The following TAB2 variants were observed in gnomAD, a reference collection of about 807,000 sequenced individuals.
The protein encoded by TAB2 is TGF-beta-activated kinase 1 and MAP3K7-binding protein 2.
TAB2 carries 3 observed loss-of-function variants against 65.0 expected under a neutral mutation model. That is an observed-to-expected ratio of 0.05 (90% confidence interval 0.02 to 0.12). The LOEUF is 0.12. Ranked by LOEUF, TAB2 falls within the 10% of genes least tolerant of loss-of-function variation. The pLI, the probability that TAB2 is intolerant of heterozygous loss-of-function variation, is 1.00. For synonymous variants in TAB2, 298 were observed against 285.1 expected (o/e 1.05, Z -0.46); for missense variants, 623 against 840.3 (o/e 0.74, Z 3.20).
intron 2 of TAB2, among the ~76,000 whole-genome samples, chr6:149,371,993 A>G (rs1054795835): frequency 2.0e-5 from 3 of 152,188 alleles, no homozygotes; most frequent in Non-Finnish European, 2.9e-5. Flanking sequence ...AAATAAAGCT[A>G]TGCTGTTCAG....
intron 1 of TAB2, among the ~76,000 whole-genome samples, chr6:149,306,557 C>CAAAAAAA (rs58001933): frequency 9.2e-6 from 1 of 108,598 alleles, no homozygotes. Flanking sequence ...GACTCCGTCT[C>CAAAAAAA]AAAAAAAAAA....
At chr6:149,252,585 A>C (rs1359545265) in intron 1 of TAB2, among the ~76,000 whole-genome samples, 1 of 152,118 alleles carries the variant, frequency 6.6e-6, no homozygotes, top group Non-Finnish European at 1.5e-5. Context: ...GCTCATCCCA[A>C]ATGTTCTGCA....
chr6:149,358,804 C>G (rs761979003), intron 1 of TAB2, among the ~76,000 whole-genome samples: 1 of 151,872 alleles, frequency 6.6e-6, no homozygotes, highest in African/African-American at 2.4e-5. Context: ...TTCTGTTTCT[C>G]ATTTTCTCTT....
At chr6:149,219,605 C>T (rs1329758725) in intron 1 of TAB2, among the ~76,000 whole-genome samples, 1 of 152,126 alleles carries the variant, frequency 6.6e-6, no homozygotes, top group East Asian at 1.9e-4. Flanking sequence ...GAAGTCTGTG[C>T]TGTTTTGTTT....
chr6:149,375,533 A>G (rs1324057903), intron 2 of TAB2, among the ~76,000 whole-genome samples: 1 of 152,142 alleles, frequency 6.6e-6, no homozygotes, highest in Non-Finnish European at 1.5e-5. Flanking sequence ...GAGGAAGGCT[A>G]AATATGAGTA....
chr6:149,369,331 C>T (rs1209990786), intron 1 of TAB2, among the ~76,000 whole-genome samples: 2 of 151,994 alleles, frequency 1.3e-5, no homozygotes, highest in Admixed American at 1.3e-4. Context: ...AAATCAAACC[C>T]CTTGGGAAAT....
intron 1 of TAB2, among the ~76,000 whole-genome samples, chr6:149,368,645 TTG>T (rs3056968): frequency 0.016 from 2,315 of 147,374 alleles, 25 homozygotes; most frequent in South Asian, 0.033. Flanking sequence ...ATGCGAAAAT[TTG>T]TGTGTGTGTG....
intron 1 of TAB2, among the ~76,000 whole-genome samples, chr6:149,280,888 T>TG (rs1778560153): frequency 6.8e-6 from 1 of 147,318 alleles, no homozygotes; most frequent in Non-Finnish European, 1.5e-5. Context: ...GCCATGATTG[T>TG]GCTACTACAC....
chr6:149,280,687 T>C (rs1696369950), intron 1 of TAB2, among the ~76,000 whole-genome samples: 1 of 152,134 alleles, frequency 6.6e-6, no homozygotes, highest in African/African-American at 2.4e-5. Flanking sequence ...ATACCTGTAA[T>C]CCCAGCACTT....
At chr6:149,388,434 A>G (rs2114916820) in intron 3 of TAB2, among the ~76,000 whole-genome samples, 1 of 152,326 alleles carries the variant, frequency 6.6e-6, no homozygotes, top group African/African-American at 2.4e-5. Context: ...ACTGCCAATA[A>G]ATGTTGCCAA....
chr6:149,265,458 CAT>C (rs1191396098), intron 1 of TAB2, among the ~76,000 whole-genome samples: 2 of 152,104 alleles, frequency 1.3e-5, no homozygotes, highest in African/African-American at 4.8e-5. Context: ...GATAACATTT[CAT>C]ATCCACAGGA....
chr6:149,308,215 T>G (rs1779102711), intron 1 of TAB2, among the ~76,000 whole-genome samples: 1 of 152,192 alleles, frequency 6.6e-6, no homozygotes, highest in South Asian at 2.1e-4. Flanking sequence ...ATCTAGTTAT[T>G]TATTCCTAGG....
At chr6:149,322,060 A>G (rs966896096) in intron 1 of TAB2, among the ~76,000 whole-genome samples, 2 of 152,142 alleles carry the variant, frequency 1.3e-5, no homozygotes, top group Admixed American at 1.3e-4. Context: ...AAAGGAACTA[A>G]TATTTATTGA....
chr6:149,260,134 A>T (rs539020620), intron 1 of TAB2, among the ~76,000 whole-genome samples: 1 of 152,224 alleles, frequency 6.6e-6, no homozygotes, highest in Non-Finnish European at 1.5e-5. Flanking sequence ...AATATCACAC[A>T]TGGCCACTGT....
rs574286340 is a variant in TAB2, at chr6:149,271,221, TA to T, written c.-121+52446del. 2.5e-3 allele frequency among the ~76,000 whole-genome samples: 383 copies of T among 151,964 alleles called. 1 individual carries two copies. Among genetic ancestry groups the T allele is most frequent in the African/African-American group, 8.9e-3 (367 of 41,440 alleles). Reference sequence around the variant, plus strand: ...AGACCTTATCTCTAAAAAATATATATATTTTTTAAAAAAGAATATTATTGAC... The same window carrying T: ...AGACCTTATCTCTAAAAAATATATATTTTTTTAAAAAAGAATATTATTGAC... On this transcript the variant is annotated intron_variant, in intron 1 of 1. Coordinates refer to the TAB2 transcript ENST00000606202.
rs548389466 is a variant in TAB2, at chr6:149,397,926, A to G, written c.1765-43A>G. On this transcript the variant is annotated intron_variant, in intron 4 of 6. Coordinates refer to ENST00000637181, the MANE Select transcript of TAB2 (RefSeq NM_001292034.3). ...CTCCATTCTTTATTAACTAATGACT[A>G]AGAATTCAGTGCAAATCTTACTTAC... 41 of 1,595,852 alleles carry G rather than the reference A, an allele frequency of 2.6e-5. No homozygotes were observed. In the East Asian group the frequency reaches 3.6e-4, roughly 14 times the overall value.
chr6:149,376,592 C>T (rs2114876914), intron 2 of TAB2, among the ~76,000 whole-genome samples: 2 of 152,290 alleles, frequency 1.3e-5, no homozygotes, highest in Middle Eastern at 3.4e-3. Context: ...TCTATGAAAA[C>T]CATCAGGCCA....
chr6:149,330,300 TG>T (rs1779744749), intron 1 of TAB2, among the ~76,000 whole-genome samples: 1 of 152,242 alleles, frequency 6.6e-6, no homozygotes, highest in African/African-American at 2.4e-5. Context: ...TTTTCATCTC[TG>T]TAGGATAAAT....
chr6:149,231,026 C>T lies in TAB2; in HGVS notation c.-121+12250C>T, dbSNP rs537231428. ...ACTTACTGAGCTGGTCAGCCCACTT[C>T]CCAATGGGCGCTCTCAGAAGGAACC... On this transcript the variant is annotated intron_variant, in intron 1 of 1. Coordinates refer to the TAB2 transcript ENST00000606202. Among the ~76,000 whole-genome samples the T allele has an allele frequency of 2.0e-5, 3 of 152,270 alleles. No individual in the cohort carries two copies. In the East Asian group the frequency reaches 5.8e-4, roughly 29 times the overall value.
Sources: allele counts gnomAD v4.1 joint callset (sites outside exome capture counted in the v4.1 genomes callset), GRCh38; gene constraint gnomAD v4.1.1; transcripts MANE v1.5; gene names NCBI Gene and HGNC (gene_info 2026-07-23, HGNC 2026-07-21).